CA10: variants seen among roughly 807,000 people sequenced by gnomAD.
CA10 encodes carbonic anhydrase-related protein 10.
A neutral mutation model predicts 44.2 loss-of-function variants in CA10; 14 were observed. The ratio of observed to expected loss-of-function variants is 0.32; its 90% CI spans 0.21 to 0.50. The LOEUF (loss-of-function observed/expected upper bound fraction) is 0.50, where lower values mean the gene tolerates loss of function less well. Ranked by LOEUF, CA10 falls within the 20% of genes least tolerant of loss-of-function variation. The pLI is 0.99. For missense variants in CA10, 350 were observed against 409.7 expected (o/e 0.85, Z 1.26); for synonymous variants, 159 against 141.6 (o/e 1.12, Z -0.87).
At chr17:52,009,515 C>T (rs1443171932) in intron 2 of CA10, among the ~76,000 whole-genome samples, 1 of 151,880 alleles carries the variant, frequency 6.6e-6, no homozygotes, top group Admixed American at 6.6e-5. Context: ...TGAAATGTTG[C>T]CTTACTTCCT....
chr17:52,149,735 A>G (rs1372849461), intron 1 of CA10, among the ~76,000 whole-genome samples: 1 of 152,174 alleles, frequency 6.6e-6, no homozygotes, highest in Non-Finnish European at 1.5e-5. Context: ...TAACAAGATG[A>G]TATAAACTCT....
chr17:51,759,255 C>A (rs1253905968), intron 3 of CA10, among the ~76,000 whole-genome samples: 1 of 151,726 alleles, frequency 6.6e-6, no homozygotes, highest in African/African-American at 2.4e-5. Context: ...CAGTATGCCC[C>A]CAATGGAATT....
At chr17:51,985,975 A>G (rs1023655199) in intron 2 of CA10, among the ~76,000 whole-genome samples, 2 of 152,038 alleles carry the variant, frequency 1.3e-5, no homozygotes, top group Non-Finnish European at 2.9e-5. Context: ...TACCACCATC[A>G]TTCTTTACAG....
intron 1 of CA10, among the ~76,000 whole-genome samples, chr17:52,130,210 G>A (rs1989204153): frequency 6.6e-6 from 1 of 152,106 alleles, no homozygotes. Context: ...TGGTGAGAAT[G>A]CAAATTAATA....
intron 3 of CA10, among the ~76,000 whole-genome samples, chr17:51,905,926 A>C (rs1455392271): frequency 2.0e-5 from 3 of 152,120 alleles, no homozygotes; most frequent in Non-Finnish European, 1.5e-5. Flanking sequence ...GTACCCACAC[A>C]GAAACCCTCC....
At position 52,078,069 on chromosome 17, in the gene CA10, G is replaced by A. The variant is rs566045762; in HGVS notation, c.62-5676C>T. 8.5e-5 allele frequency among the ~76,000 whole-genome samples: 13 copies of A among 152,364 alleles called. No homozygotes were observed. The East Asian group carries it at 2.3e-3, about 27-fold the overall frequency. On this transcript the variant is annotated intron_variant, in intron 1 of 8. Transcript: ENST00000451037. ...TGGATCCAGACTAAAACTTCCCAAA[G>A]ATGATGTGATCTGGCCTGTGAGTAG...
chr17:51,867,808 G>T (rs1453641123), intron 3 of CA10, among the ~76,000 whole-genome samples: 1 of 152,096 alleles, frequency 6.6e-6, no homozygotes, highest in Non-Finnish European at 1.5e-5. Context: ...GTGGAGTTCT[G>T]CCTCATGAAC....
rs556831710 is a variant in CA10, at chr17:51,728,117, C to G, written c.465+19516G>C. 8.5e-5 allele frequency among the ~76,000 whole-genome samples: 13 copies of G among 152,250 alleles called. No homozygotes were observed. In the East Asian group the frequency reaches 2.5e-3, roughly 29 times the overall value. ...ATGTTACCTAGGCTGGTCTTGAACT[C>G]CTGGGCTCAAGTGATCCCTGCCTTA... is the stretch of plus-strand genomic sequence containing the variant. On this transcript the variant is annotated intron_variant, in intron 4 of 8. Coordinates refer to ENST00000451037, the MANE Select transcript of CA10 (RefSeq NM_020178.5).
rs576193398 is a variant in CA10, at chr17:51,708,131, T to C, written c.465+39502A>G. On this transcript the variant is annotated intron_variant, in intron 4 of 8. Coordinates refer to ENST00000451037, the MANE Select transcript of CA10 (RefSeq NM_020178.5). The stretch of plus-strand genomic sequence containing the variant: ...CAGTCCTTCCAATCAGATTCTATTA[T>C]TGAAGACCAGTGTATTATTTAAATG... Among the ~76,000 whole-genome samples the C allele has an allele frequency of 4.6e-5, 7 of 152,304 alleles. No homozygotes were observed. The East Asian group carries it at 7.7e-4, about 17-fold the overall frequency.
chr17:51,684,022 A>G (rs1452859379), intron 4 of CA10, among the ~76,000 whole-genome samples: 1 of 152,230 alleles, frequency 6.6e-6, no homozygotes, highest in African/African-American at 2.4e-5. Context: ...CCTTACATGG[A>G]AAAATAACTT....
At chr17:51,706,941 C>T (rs1915780324) in intron 4 of CA10, among the ~76,000 whole-genome samples, 1 of 152,182 alleles carries the variant, frequency 6.6e-6, no homozygotes, top group South Asian at 2.1e-4. Context: ...CAATCCCCAC[C>T]CCACACTGGA....
intron 3 of CA10, chr17:51,748,476 G>T (rs1904784292): frequency 2.0e-6 from 2 of 985,378 alleles, no homozygotes. Flanking sequence ...CTGCTAACAT[G>T]ACTGCTTGGC....
At chr17:51,633,763 G>C in intron 7 of CA10, 113 bp from the exon 8 acceptor site, 1 of 1,174,106 alleles carries the variant, frequency 8.5e-7, no homozygotes, top group South Asian at 1.6e-5. Flanking sequence ...TATGAGGAAA[G>C]GGCTGTATAA....
intron 2 of CA10, among the ~76,000 whole-genome samples, chr17:52,071,408 G>T (rs1987676111): frequency 6.6e-6 from 1 of 152,108 alleles, no homozygotes; most frequent in Non-Finnish European, 1.5e-5. Flanking sequence ...TTTGTGACTT[G>T]CTTAGCTCTG....
chr17:52,028,254 A>G (rs1986359814), intron 2 of CA10, among the ~76,000 whole-genome samples: 1 of 152,202 alleles, frequency 6.6e-6, no homozygotes, highest in African/African-American at 2.4e-5. Flanking sequence ...GCAAGGAGAC[A>G]TAGATATGAA....
At position 51,806,840 on chromosome 17, in the gene CA10, G is replaced by T. The variant is rs184062895; in HGVS notation, c.280-59022C>A. On this transcript the variant is annotated intron_variant, in intron 3 of 8. Transcript: ENST00000451037. ...AGCACTTTCCTTCATTGGGGAAATTGTTGCTGAGCACCTATAAGATAACAG... is the reference window on the plus strand; with the variant it reads ...AGCACTTTCCTTCATTGGGGAAATTTTTGCTGAGCACCTATAAGATAACAG... Among the ~76,000 whole-genome samples the T allele has an allele frequency of 3.9e-3, 595 of 152,336 alleles. 1 individual carries two copies. The highest frequency in any genetic ancestry group is 6.6e-3 in the Non-Finnish European group (450 of 68,034).
intron 3 of CA10, among the ~76,000 whole-genome samples, chr17:51,755,005 A>G (rs1905035933): frequency 1.3e-5 from 2 of 152,040 alleles, no homozygotes; most frequent in Non-Finnish European, 1.5e-5. Context: ...ATACAAACAC[A>G]TATGCATTTT....
chr17:51,989,785 A>G (rs990224720), intron 2 of CA10, among the ~76,000 whole-genome samples: 3 of 152,098 alleles, frequency 2.0e-5, no homozygotes, highest in African/African-American at 7.2e-5. Flanking sequence ...GACTAATTAT[A>G]TCCAGCCCAA....
At chr17:51,697,922 G>T (rs1915456072) in intron 4 of CA10, among the ~76,000 whole-genome samples, 1 of 152,138 alleles carries the variant, frequency 6.6e-6, no homozygotes, top group Non-Finnish European at 1.5e-5. Flanking sequence ...ACATCTGCAG[G>T]TGTCACCCTC....
Sources: gnomAD v4.1 joint callset for allele counts (sites outside exome capture counted in the v4.1 genomes callset) on GRCh38, gnomAD v4.1.1 for gene constraint, MANE v1.5 for transcripts, NCBI Gene and HGNC (gene_info 2026-07-23, HGNC 2026-07-21) for gene names.